Variants in WDR43 observed in about 807,000 individuals in gnomAD.
WDR43 encodes the protein WD repeat-containing protein 43.
A neutral mutation model predicts 91.4 loss-of-function variants in WDR43; 13 were observed. The ratio of observed to expected loss-of-function variants is 0.14; its 90% CI spans 0.09 to 0.23. WDR43 has a LOEUF of 0.23. Among genes scored for constraint, WDR43 ranks in the 10% least tolerant of loss-of-function variants. WDR43 has a pLI of 1.00. For missense variants in WDR43, 780 were observed against 809.4 expected (o/e 0.96, Z 0.44); for synonymous variants, 331 against 287.9 (o/e 1.15, Z -1.51).
chr2:28,922,552 G>A (rs1671052678), intron 6 of WDR43, among the ~76,000 whole-genome samples: 1 of 152,100 alleles, frequency 6.6e-6, no homozygotes, highest in African/African-American at 2.4e-5. Context: ...AGGCGATGAG[G>A]TCTTACAACA....
intron 13 of WDR43, 81 bp downstream of exon 13, chr2:28,937,034 A>G: frequency 2.2e-6 from 3 of 1,377,208 alleles, no homozygotes; most frequent in African/African-American, 1.5e-5. Flanking sequence ...TTTCTAACTA[A>G]TAAAACTCTT....
Position 28,905,663 on chromosome 2 carries a change from CTCT to C in WDR43, c.364-795_364-793del, listed in dbSNP as rs1558369119. 4.6e-5 allele frequency among the ~76,000 whole-genome samples: 6 copies of C among 129,188 alleles called. 1 individual carries two copies. Among genetic ancestry groups the C allele is most frequent in the Admixed American group, 1.8e-4 (2 of 11,342 alleles). The allele number at this position is 129,188 out of a possible 152,430, so 84.8% of individuals were successfully genotyped here. On this transcript the variant is annotated intron_variant, in intron 2 of 17. Transcript: ENST00000407426. ...TCTAGCTGTTTATCTCTCTCTTCTTCTCTTTTTTTTTTTTTTTTTGATATGGAG... is the reference window on the plus strand; with the variant it reads ...TCTAGCTGTTTATCTCTCTCTTCTTCTTTTTTTTTTTTTTTTGATATGGAG...
Position 28,947,556 on chromosome 2 carries a change from A to G in WDR43, c.*777A>G, listed in dbSNP as rs986562855. ...AGTGCTCATTACCTGCAACTTTTAA[A>G]AAAAATTCAGTTATAGCTGCTTTTG... On this transcript the variant is annotated 3_prime_UTR_variant, in exon 18 of 18. Coordinates refer to ENST00000407426, the MANE Select transcript of WDR43 (RefSeq NM_015131.3). 5 of 152,168 alleles carry G rather than the reference A, an allele frequency of 3.3e-5. No individual in the cohort carries two copies. The highest frequency in any genetic ancestry group is 1.2e-4 in the African/African-American group (5 of 41,458). The allele number at this position is 152,168 out of a possible 1,614,324, so 9.4% of individuals were successfully genotyped here. A position where few individuals can be genotyped will look rare whatever the true frequency, so the allele number is the denominator to read the frequency against.
chr2:28,901,970 T>G lies in WDR43; in HGVS notation c.226-17T>G. On this transcript the variant is annotated splice_polypyrimidine_tract_variant and intron_variant, in intron 1 of 17. Coordinates refer to ENST00000407426, the MANE Select transcript of WDR43 (RefSeq NM_015131.3). ...TTTGCAATACTAAATAAAAACATTG[T>G]TTTTCTTTTTTTCCAGGAAAGTCCC... The G allele has an allele frequency of 6.3e-7, 1 of 1,579,878 alleles. No homozygotes were observed. Among genetic ancestry groups the G allele is most frequent in the South Asian group, 1.2e-5 (1 of 84,954 alleles).
intron 3 of WDR43, among the ~76,000 whole-genome samples, chr2:28,908,609 C>CT (rs11433310): frequency 0.67 from 102,594 of 152,080 alleles, 35,227 homozygotes; most frequent in East Asian, 0.85. Flanking sequence ...GTGAGGTGAA[C>CT]TTTAGCCCCA....
chr2:28,909,632 G>A (rs1306654410), intron 3 of WDR43, among the ~76,000 whole-genome samples: 1 of 152,158 alleles, frequency 6.6e-6, no homozygotes, highest in African/African-American at 2.4e-5. Context: ...CAGCACTTTG[G>A]AAGGCTGAGG....
chr2:28,937,599 C>T (rs573296303), intron 13 of WDR43, among the ~76,000 whole-genome samples: 1 of 152,082 alleles, frequency 6.6e-6, no homozygotes, highest in African/African-American at 2.4e-5. Flanking sequence ...AATGCAAAAC[C>T]AGTCGAACTC....
At chr2:28,946,134 G>T (rs1671538600) in intron 16 of WDR43, among the ~76,000 whole-genome samples, 1 of 152,074 alleles carries the variant, frequency 6.6e-6, no homozygotes, top group South Asian at 2.1e-4. Context: ...CCAGGAGTTT[G>T]AGATCGGCCT....
At chr2:28,935,654 A>T (rs1277967411) in intron 12 of WDR43, 47 bp downstream of exon 12, 1 of 1,354,016 alleles carries the variant, frequency 7.4e-7, no homozygotes, top group Non-Finnish European at 1.0e-6. Flanking sequence ...CCATGAGTTA[A>T]ATGGAAAATT....
chr2:28,929,279 C>A (rs2148193436), intron 10 of WDR43, among the ~76,000 whole-genome samples: 1 of 152,248 alleles, frequency 6.6e-6, no homozygotes, highest in East Asian at 1.9e-4. Flanking sequence ...GAATCAGATG[C>A]CAGGTCCTTG....
chr2:28,909,806 C>T (rs1020798134), intron 3 of WDR43, among the ~76,000 whole-genome samples: 26 of 152,116 alleles, frequency 1.7e-4, no homozygotes, highest in African/African-American at 5.6e-4. Context: ...CTCAGGAGAT[C>T]GAGGCTGCAG....
At chr2:28,895,420 C>T in intron 1 of WDR43, 1 of 153,726 alleles carries the variant, frequency 6.5e-6, no homozygotes, top group Non-Finnish European at 1.4e-5. Flanking sequence ...TGCCGGCTCA[C>T]CACGTGTTCT....
chr2:28,927,340 C>T (rs142912682), intron 9 of WDR43: 243 of 531,112 alleles, frequency 4.6e-4, no homozygotes, highest in African/African-American at 4.0e-3. Flanking sequence ...TCAGGCCAGT[C>T]GGATTTTACT....
At chr2:28,923,004 G>C (rs1229477333) in intron 7 of WDR43, 21 bp downstream of exon 7, 1 of 1,602,596 alleles carries the variant, frequency 6.2e-7, no homozygotes, top group African/African-American at 1.3e-5. Flanking sequence ...AATTTTCCAA[G>C]TAAGAAATTT....
chr2:28,897,678 G>T (rs568095192), intron 1 of WDR43, among the ~76,000 whole-genome samples: 19 of 152,306 alleles, frequency 1.2e-4, no homozygotes, highest in Admixed American at 4.6e-4. Context: ...AGTTTGCTAC[G>T]CAAGGACAAA....
In WDR43 at chr2:28,937,585, A is replaced by G. The variant is rs558116578; in HGVS notation, c.1557-346A>G. 2.6e-5 allele frequency among the ~76,000 whole-genome samples: 4 copies of G among 152,296 alleles called. No individual in the cohort carries two copies. The South Asian group carries it at 8.3e-4, about 32-fold the overall frequency. On this transcript the variant is annotated intron_variant, in intron 13 of 17. Transcript: ENST00000407426. ...ACAGATTTTTATGTTTATTGTTAAC[A>G]TAAAATGCAAAACCAGTCGAACTCA...
chr2:28,942,329 G>C lies in WDR43; in HGVS notation c.1752G>C (p.Lys584Asn). ...TCTTCCAGGTAACAGCATCAGAGAA[G>C]ACAAAGGGAGCAACTTCCCCTGGAC... ...LLITQVTASE[K>N]TKGATSPGQK... The change falls in exon 16 of 18, where the codon AAG becomes AAC. Residue 584 changes from lysine to asparagine, a missense_variant. Coordinates refer to ENST00000407426, the MANE Select transcript of WDR43 (RefSeq NM_015131.3). 1 of 1,613,510 alleles carries C rather than the reference G, an allele frequency of 6.2e-7. No homozygotes were observed. The highest frequency in any genetic ancestry group is 8.5e-7 in the Non-Finnish European group (1 of 1,179,674).
At chr2:28,928,946 A>T (rs1169344505) in intron 10 of WDR43, among the ~76,000 whole-genome samples, 5 of 152,152 alleles carry the variant, frequency 3.3e-5, no homozygotes, top group African/African-American at 1.2e-4. Context: ...GAGTGCTGGG[A>T]TTACAGGTGA....
chr2:28,927,045 G>A (rs1176652534), intron 9 of WDR43: 2 of 518,782 alleles, frequency 3.9e-6, no homozygotes, highest in South Asian at 1.4e-5. Flanking sequence ...TCGTGGTTTA[G>A]TGAGAAAGGG....
Sources: allele counts gnomAD v4.1 joint callset (sites outside exome capture counted in the v4.1 genomes callset), GRCh38; gene constraint gnomAD v4.1.1; transcripts MANE v1.5; gene names NCBI Gene and HGNC (gene_info 2026-07-23, HGNC 2026-07-21).